Variants in CCDC171 observed in about 807,000 individuals in gnomAD.
The protein encoded by CCDC171 is coiled-coil domain containing 171.
In CCDC171, 177 loss-of-function variants were observed where a neutral mutation model predicts 168.2. The ratio of observed to expected loss-of-function variants is 1.05; its 90% CI spans 0.93 to 1.19. The LOEUF is 1.19. Ranked by LOEUF, CCDC171 falls within the 50% of genes most tolerant of loss-of-function variation. CCDC171 has a pLI of 0.00. For missense variants in CCDC171, 1,991 were observed against 1,539.0 expected (o/e 1.29, Z -4.91); for synonymous variants, 687 against 540.8 (o/e 1.27, Z -3.75).
the CCDC171 span, among the ~76,000 whole-genome samples, chr9:16,069,162 T>G: frequency 2.6e-5 from 4 of 152,138 alleles, no homozygotes; most frequent in Admixed American, 6.5e-5. Context: ...CTACATGACG[T>G]AAGGAGTAAG....
At chr9:15,756,433 G>A (rs1049832161) in intron 18 of CCDC171, among the ~76,000 whole-genome samples, 4 of 152,040 alleles carry the variant, frequency 2.6e-5, no homozygotes, top group African/African-American at 9.7e-5. Context: ...AATTTGTTAT[G>A]TGGGTATATT....
intron 25 of CCDC171, among the ~76,000 whole-genome samples, chr9:15,936,390 C>A (rs1298422025): frequency 1.3e-5 from 2 of 151,912 alleles, no homozygotes; most frequent in Admixed American, 1.3e-4. Context: ...TGTTAGAGTT[C>A]TCTAATCATC....
At chr9:15,808,414 CAG>C (rs1456849851) in intron 21 of CCDC171, among the ~76,000 whole-genome samples, 2 of 152,100 alleles carry the variant, frequency 1.3e-5, no homozygotes, top group Non-Finnish European at 2.9e-5. Flanking sequence ...GACAAGAAGA[CAG>C]AGGGGCAAGG....
chr9:15,892,825 A>G (rs1820398972), intron 24 of CCDC171, among the ~76,000 whole-genome samples: 1 of 152,190 alleles, frequency 6.6e-6, no homozygotes, highest in African/African-American at 2.4e-5. Flanking sequence ...GCTCAAAGAT[A>G]AGAAGAATCA....
intron 25 of CCDC171, among the ~76,000 whole-genome samples, chr9:15,933,756 A>G (rs959119846): frequency 3.3e-5 from 5 of 152,018 alleles, no homozygotes; most frequent in African/African-American, 7.2e-5. Flanking sequence ...CTTGCACTAT[A>G]TACAAAAATT....
intron 24 of CCDC171, among the ~76,000 whole-genome samples, chr9:15,877,349 A>G (rs1391804564): frequency 6.6e-6 from 1 of 152,148 alleles, no homozygotes; most frequent in African/African-American, 2.4e-5. Flanking sequence ...CCTTGTAAAG[A>G]TGAAGTAAGC....
intron 21 of CCDC171, among the ~76,000 whole-genome samples, chr9:15,816,644 T>C (rs1588668917): frequency 8.5e-6 from 1 of 118,318 alleles, no homozygotes; most frequent in East Asian, 2.1e-4. Context: ...AAAGAGAGGT[T>C]AGATTCTGCA....
At chr9:15,945,404 A>G (rs554164011) in intron 25 of CCDC171, among the ~76,000 whole-genome samples, 1 of 150,442 alleles carries the variant, frequency 6.6e-6, no homozygotes, top group Non-Finnish European at 1.5e-5. Flanking sequence ...CAGTAATGGG[A>G]TGGCTGGGTC....
intron 7 of CCDC171, among the ~76,000 whole-genome samples, chr9:15,651,709 A>G (rs776303085): frequency 2.6e-5 from 4 of 152,080 alleles, no homozygotes; most frequent in Admixed American, 6.6e-5. Flanking sequence ...GCCAAGTAGT[A>G]TTCCATTGTG....
At chr9:15,578,822 ATGTT>A (rs2040887081) in intron 3 of CCDC171, 23 bp from the exon 4 acceptor site, 1 of 1,591,984 alleles carries the variant, frequency 6.3e-7, no homozygotes, top group African/African-American at 1.3e-5. Context: ...CTTTGGACAC[ATGTT>A]GATATCAGGA....
At chr9:15,737,111 C>T (rs910483543) in intron 16 of CCDC171, among the ~76,000 whole-genome samples, 1 of 151,612 alleles carries the variant, frequency 6.6e-6, no homozygotes, top group Admixed American at 6.6e-5. Flanking sequence ...TTTTAATACA[C>T]TATATCATAA....
chr9:15,994,899 TA>T (rs1207617210), intron 3 of CCDC171, among the ~76,000 whole-genome samples: 2 of 152,208 alleles, frequency 1.3e-5, no homozygotes, highest in African/African-American at 2.4e-5. Flanking sequence ...TTTGCATATG[TA>T]AGGAGGTCAG....
chr9:15,675,292 A>G (rs924118347), intron 9 of CCDC171, among the ~76,000 whole-genome samples: 2 of 135,752 alleles, frequency 1.5e-5, no homozygotes, highest in African/African-American at 5.5e-5. Flanking sequence ...GGTCTCCTGT[A>G]TACAGCACAC....
chr9:15,596,075 T>G (rs1212583484), intron 6 of CCDC171, among the ~76,000 whole-genome samples: 5 of 152,168 alleles, frequency 3.3e-5, no homozygotes, highest in African/African-American at 7.2e-5. Flanking sequence ...TTGCAAAAAT[T>G]TTCTCCCATT....
intron 21 of CCDC171, among the ~76,000 whole-genome samples, chr9:15,808,931 T>C (rs2059199757): frequency 6.6e-6 from 1 of 152,182 alleles, no homozygotes; most frequent in African/African-American, 2.4e-5. Flanking sequence ...TGGTGAGGGC[T>C]TGCTTCCTCA....
chr9:15,967,823 A>C (rs569648395), intron 25 of CCDC171, among the ~76,000 whole-genome samples: 3 of 152,200 alleles, frequency 2.0e-5, no homozygotes, highest in African/African-American at 7.2e-5. Flanking sequence ...TTATAATACT[A>C]AATTCTAGAA....
the CCDC171 span, among the ~76,000 whole-genome samples, chr9:16,088,296 C>T: frequency 6.6e-6 from 1 of 152,178 alleles, no homozygotes; most frequent in Non-Finnish European, 1.5e-5. Flanking sequence ...GTAAATTTTG[C>T]CTTTGAAAAC....
chr9:16,045,422 G>T (rs1166248602), intron 1 of CCDC171, among the ~76,000 whole-genome samples: 2 of 152,202 alleles, frequency 1.3e-5, no homozygotes, highest in Non-Finnish European at 2.9e-5. Context: ...ATTACAGGAG[G>T]CTTACAGCAG....
intron 3 of CCDC171, among the ~76,000 whole-genome samples, chr9:15,997,087 T>C (rs1245490878): frequency 6.6e-6 from 1 of 152,054 alleles, no homozygotes; most frequent in East Asian, 1.9e-4. Flanking sequence ...CTGTGAAAGA[T>C]AAAGGGGAAG....
Sources: allele counts gnomAD v4.1 joint callset (sites outside exome capture counted in the v4.1 genomes callset), GRCh38; gene constraint gnomAD v4.1.1; transcripts MANE v1.5; gene names NCBI Gene and HGNC (gene_info 2026-07-23, HGNC 2026-07-21).